Variants in SUMF1 observed in about 807,000 individuals in gnomAD.
SUMF1 encodes the protein formylglycine-generating enzyme.
Under a neutral mutation model 47.6 loss-of-function variants are expected in SUMF1, and 48 were observed. The ratio of observed to expected loss-of-function variants is 1.01; its 90% CI spans 0.80 to 1.28. The LOEUF is 1.28. SUMF1 is among the 50% of genes most tolerant of loss of function. The pLI, the probability that SUMF1 is intolerant of heterozygous loss-of-function variation, is 0.00. For missense variants in SUMF1, 571 were observed against 485.4 expected (o/e 1.18, Z -1.66); for synonymous variants, 230 against 192.1 (o/e 1.20, Z -1.63).
At chr3:4,158,504 TG>T (rs1405964154) in intron 8 of SUMF1, among the ~76,000 whole-genome samples, 3 of 151,566 alleles carry the variant, frequency 2.0e-5, no homozygotes, top group Admixed American at 6.6e-5. Flanking sequence ...ATGTTTTTGT[TG>T]ATTTTCTGTC....
At chr3:4,391,181 G>A (rs1322642244) in intron 7 of SUMF1, among the ~76,000 whole-genome samples, 2 of 150,944 alleles carry the variant, frequency 1.3e-5, no homozygotes, top group African/African-American at 2.5e-5. Context: ...TTTTCCTCTT[G>A]TTATTTTCAA....
chr3:4,464,167 A>G (rs1022842844), intron 1 of SUMF1, among the ~76,000 whole-genome samples: 2 of 152,296 alleles, frequency 1.3e-5, no homozygotes, highest in Admixed American at 6.5e-5. Flanking sequence ...ACGCATTTCC[A>G]CAATGTGCCA....
At chr3:4,231,624 C>T (rs771135671) in intron 8 of SUMF1, among the ~76,000 whole-genome samples, 1 of 152,124 alleles carries the variant, frequency 6.6e-6, no homozygotes, top group Non-Finnish European at 1.5e-5. Context: ...AAGAAGGGGA[C>T]ATCCTCTTCA....
intron 8 of SUMF1, among the ~76,000 whole-genome samples, chr3:4,133,600 C>T (rs1316594707): frequency 3.9e-5 from 6 of 152,130 alleles, no homozygotes; most frequent in African/African-American, 1.2e-4. Flanking sequence ...AGATTATATA[C>T]AGGTAGAAAA....
At chr3:4,161,933 T>C (rs1694586562) in intron 8 of SUMF1, among the ~76,000 whole-genome samples, 1 of 152,004 alleles carries the variant, frequency 6.6e-6, no homozygotes, top group Non-Finnish European at 1.5e-5. Context: ...AGCCAGCACA[T>C]CTCAGAGTTT....
Position 4,171,240 on chromosome 3 carries a change from T to C in SUMF1, c.1015-102495A>G, listed in dbSNP as rs527994814. ...CAGCAGCAAGGAGTATTGCAGATGC[T>C]CTGCGATCTATACCAGGATTCTCTA... On this transcript the variant is annotated intron_variant and NMD_transcript_variant, in intron 8 of 12. Transcript: ENST00000448413. 5.3e-5 allele frequency among the ~76,000 whole-genome samples: 8 copies of C among 152,290 alleles called. No homozygotes were observed. In the South Asian group the frequency reaches 1.4e-3, roughly 28 times the overall value.
At chr3:4,261,559 G>C (rs1697085393) in intron 8 of SUMF1, among the ~76,000 whole-genome samples, 2 of 152,192 alleles carry the variant, frequency 1.3e-5, no homozygotes, top group South Asian at 4.1e-4. Context: ...TTATCCCAGG[G>C]ATTATGCACA....
At chr3:4,268,905 T>C (rs1295867367) in intron 8 of SUMF1, among the ~76,000 whole-genome samples, 1 of 152,124 alleles carries the variant, frequency 6.6e-6, no homozygotes, top group Non-Finnish European at 1.5e-5. Flanking sequence ...TGTGTATATA[T>C]ACATATATAT....
chr3:4,229,268 T>C (rs1025365519), intron 8 of SUMF1: 30 of 337,402 alleles, frequency 8.9e-5, no homozygotes, highest in African/African-American at 6.0e-4. Context: ...CGGACAATCA[T>C]CCTCCTTCAT....
intron 8 of SUMF1, among the ~76,000 whole-genome samples, chr3:4,132,004 G>A (rs1450083622): frequency 6.6e-6 from 1 of 152,130 alleles, no homozygotes; most frequent in Non-Finnish European, 1.5e-5. Flanking sequence ...CAGGAGCAGA[G>A]ACCAACACTG....
chr3:4,153,139 C>T (rs1369431246), intron 8 of SUMF1, among the ~76,000 whole-genome samples: 1 of 151,516 alleles, frequency 6.6e-6, no homozygotes, highest in African/African-American at 2.4e-5. Context: ...TCATGTTGTA[C>T]ACCGTAAATA....
chr3:4,424,376 A>C (rs1271123717), intron 3 of SUMF1, among the ~76,000 whole-genome samples: 2 of 152,166 alleles, frequency 1.3e-5, no homozygotes, highest in Non-Finnish European at 2.9e-5. Flanking sequence ...ACTTAACGTC[A>C]TGGAGCTATA....
At chr3:4,078,350 G>A (rs1342008967) in intron 8 of SUMF1, among the ~76,000 whole-genome samples, 2 of 151,998 alleles carry the variant, frequency 1.3e-5, no homozygotes, top group African/African-American at 2.4e-5. Flanking sequence ...ACCTGTGAAC[G>A]TATCATCCCA....
intron 8 of SUMF1, among the ~76,000 whole-genome samples, chr3:4,092,062 CA>C (rs1444763618): frequency 6.6e-6 from 1 of 151,992 alleles, no homozygotes; most frequent in East Asian, 1.9e-4. Context: ...GTATCCTGGC[CA>C]GCTGCTTCTA....
chr3:4,159,422 A>G (rs576270437), intron 8 of SUMF1, among the ~76,000 whole-genome samples: 7 of 151,680 alleles, frequency 4.6e-5, no homozygotes, highest in Non-Finnish European at 7.4e-5. Flanking sequence ...CCAGCAAAAA[A>G]ACCATAATAC....
At chr3:4,104,453 C>T (rs1693110274) in intron 8 of SUMF1, among the ~76,000 whole-genome samples, 1 of 152,146 alleles carries the variant, frequency 6.6e-6, no homozygotes, top group Admixed American at 6.5e-5. Flanking sequence ...CATCCTGCTC[C>T]GTGCCCCAAC....
At chr3:4,244,756 G>A (rs544970307) in intron 8 of SUMF1, among the ~76,000 whole-genome samples, 2 of 152,086 alleles carry the variant, frequency 1.3e-5, no homozygotes, top group East Asian at 3.9e-4. Flanking sequence ...TTCTCGTGGA[G>A]TATCTCTCTG....
intron 3 of SUMF1, among the ~76,000 whole-genome samples, chr3:4,423,256 A>G (rs575631393): frequency 1.3e-4 from 19 of 149,272 alleles, no homozygotes; most frequent in African/African-American, 4.7e-4. Flanking sequence ...CCACCAATCA[A>G]CAAGTGAATA....
At chr3:4,238,687 T>C (rs971111982) in intron 8 of SUMF1, among the ~76,000 whole-genome samples, 2 of 152,216 alleles carry the variant, frequency 1.3e-5, no homozygotes, top group Non-Finnish European at 2.9e-5. Flanking sequence ...CTTTGTCAGA[T>C]GGATAGATTG....
Sources: allele counts gnomAD v4.1 joint callset (sites outside exome capture counted in the v4.1 genomes callset), GRCh38; gene constraint gnomAD v4.1.1; transcripts MANE v1.5; gene names NCBI Gene and HGNC (gene_info 2026-07-23, HGNC 2026-07-21).